DARS2: variants seen among roughly 807,000 people sequenced by gnomAD.
DARS2 encodes aspartate--tRNA ligase, mitochondrial.
A neutral mutation model predicts 83.0 loss-of-function variants in DARS2; 63 were observed. The ratio of observed to expected loss-of-function variants is 0.76; its 90% CI spans 0.62 to 0.94. The LOEUF (loss-of-function observed/expected upper bound fraction) is 0.94. Ranked by LOEUF, DARS2 falls within the 40% of genes least tolerant of loss-of-function variation. DARS2 has a pLI of 0.00. For missense variants in DARS2, 675 were observed against 774.4 expected, an observed-to-expected ratio of 0.87 and a Z score of 1.52; for synonymous variants, 250 against 269.3, an observed-to-expected ratio of 0.93 and a Z score of 0.70.
intron 12 of DARS2, among the ~76,000 whole-genome samples, chr1:173,847,250 G>A (rs1332130332): frequency 1.3e-5 from 2 of 152,018 alleles, no homozygotes; most frequent in Non-Finnish European, 2.9e-5. Context: ...TGGGGATGGC[G>A]GGGGGATGAA....
At position 173,850,664 on chromosome 1, in the gene DARS2, G is replaced by A. The variant is rs1371749892; in HGVS notation, c.1344+185G>A. Among the ~76,000 whole-genome samples, 5 of 150,288 alleles carry A rather than the reference G, an allele frequency of 3.3e-5. No homozygotes were observed. In the East Asian group the frequency reaches 9.9e-4, roughly 30 times the overall value. On this transcript the variant is annotated intron_variant, in intron 13 of 16. Coordinates refer to ENST00000649689, the MANE Select transcript of DARS2 (RefSeq NM_018122.5). ...TCTGTTGCCCAGGTTGGAGTGCAGT[G>A]GTGCAATCTTGGCTCACTGCAACCT... is the stretch of plus-strand genomic sequence containing the variant.
At chr1:173,834,732 G>GTTTTTTTTTTTTTTTTTTTTTTTT in intron 7 of DARS2, among the ~76,000 whole-genome samples, 1 of 21,680 alleles carries the variant, frequency 4.6e-5, no homozygotes, top group Non-Finnish European at 8.5e-5. Flanking sequence ...GAGTTTTTTT[G>GTTTTTTTTTTTTTTTTTTTTTTTT]TTTTTTTTTT....
At chr1:173,848,106 G>A (rs1653511910) in intron 12 of DARS2, among the ~76,000 whole-genome samples, 1 of 152,088 alleles carries the variant, frequency 6.6e-6, no homozygotes, top group Non-Finnish European at 1.5e-5. Flanking sequence ...GCCCACCTCG[G>A]CCTCCCAAAG....
chr1:173,857,173 GC>G (rs956526091), intron 16 of DARS2, among the ~76,000 whole-genome samples: 5 of 152,188 alleles, frequency 3.3e-5, no homozygotes, highest in African/African-American at 1.2e-4. Context: ...TAGATTGTAG[GC>G]CCCAACAACA....
chr1:173,828,443 C>A, intron 3 of DARS2, 44 bp downstream of exon 3: 3 of 1,539,478 alleles, frequency 1.9e-6, no homozygotes, highest in African/African-American at 1.4e-5. Flanking sequence ...TTCTTTGATG[C>A]TATTGCTGGG....
rs115051769 is a variant in DARS2 at position 173,831,529 on chromosome 1, T to G, written c.397-6T>G. The G allele has an allele frequency of 0.024, 38,547 of 1,609,568 alleles. 556 individuals are homozygous for G. Among genetic ancestry groups the G allele is most frequent in the Middle Eastern group, 0.046 (276 of 6,056 alleles). ...TTTTTAAAACCCTTCCTTCTCACTCTCCAAGAAAATGCCAACAGGTGAGAT... is the reference window on the plus strand; with the variant it reads ...TTTTTAAAACCCTTCCTTCTCACTCGCCAAGAAAATGCCAACAGGTGAGAT... On this transcript the variant is annotated splice_region_variant and splice_polypyrimidine_tract_variant and intron_variant, in intron 4 of 16. Coordinates refer to ENST00000649689, the MANE Select transcript of DARS2 (RefSeq NM_018122.5).
At chr1:173,853,240 A>C in intron 13 of DARS2, 109 bp from the exon 14 acceptor site, 1 of 1,054,520 alleles carries the variant, frequency 9.5e-7, no homozygotes, top group Non-Finnish European at 1.5e-6. Context: ...CTATCTGTTA[A>C]TTGGCTAATC....
chr1:173,857,176 C>T (rs1653885849), intron 16 of DARS2, among the ~76,000 whole-genome samples: 2 of 152,084 alleles, frequency 1.3e-5, no homozygotes, highest in South Asian at 4.1e-4. Context: ...ATTGTAGGCC[C>T]CAACAACAGG....
At chr1:173,855,658 GAATAC>G (rs141283680) in intron 15 of DARS2, among the ~76,000 whole-genome samples, 12,611 of 151,534 alleles carry the variant, frequency 0.083, 743 homozygotes, top group East Asian at 0.31. Flanking sequence ...GAGTCACTAA[GAATAC>G]ATTACTTTTT....
chr1:173,853,700 G>C (rs568486085), intron 14 of DARS2, 95 bp from the exon 15 acceptor site: 1 of 1,474,018 alleles, frequency 6.8e-7, no homozygotes, highest in African/African-American at 1.4e-5. Flanking sequence ...TGAGTTAGTA[G>C]TAATACATTG....
At chr1:173,832,938 A>T (rs999321450) in intron 5 of DARS2, among the ~76,000 whole-genome samples, 1 of 152,020 alleles carries the variant, frequency 6.6e-6, no homozygotes, top group Non-Finnish European at 1.5e-5. Context: ...GTCTTGCTAT[A>T]TTGCCCAGGC....
rs2102667064 is a variant in DARS2 at position 173,858,391 on chromosome 1, G to A, written c.*686G>A. 1 of 152,570 alleles carries A rather than the reference G, an allele frequency of 6.6e-6. No homozygotes were observed. The highest frequency in any genetic ancestry group is 2.1e-4 in the South Asian group (1 of 4,850). 9.5% of individuals were successfully genotyped at this position (152,570 alleles called of 1,614,324 possible). A position where few individuals can be genotyped will look rare whatever the true frequency, so the allele number is the denominator to read the frequency against. On this transcript the variant is annotated 3_prime_UTR_variant, in exon 17 of 17. Coordinates refer to ENST00000649689, the MANE Select transcript of DARS2 (RefSeq NM_018122.5). ...ATCAGAGGAGATAACATATATGGAA[G>A]ATAAAGTGAATAAAAGTACTTTGAA...
chr1:173,842,982 C>T (rs1381621710), intron 11 of DARS2, among the ~76,000 whole-genome samples: 1 of 150,938 alleles, frequency 6.6e-6, no homozygotes, highest in Non-Finnish European at 1.5e-5. Flanking sequence ...ATACTCTAGT[C>T]CAGACATAAG....
intron 5 of DARS2, 129 bp downstream of exon 5, chr1:173,831,759 G>A (rs1652805705): frequency 5.4e-6 from 4 of 743,434 alleles, no homozygotes; most frequent in South Asian, 4.7e-5. Context: ...GACACATCAT[G>A]AAGTGTTCTC....
At chr1:173,837,816 C>G (rs1024412019) in intron 8 of DARS2, among the ~76,000 whole-genome samples, 41 of 152,082 alleles carry the variant, frequency 2.7e-4, no homozygotes, top group African/African-American at 9.6e-4. Flanking sequence ...CTCTGTCACC[C>G]AAGCTGGAGT....
chr1:173,839,490 G>A lies in DARS2; in HGVS notation c.964G>A (p.Ala322Thr). ...TGTTCCTTTTCCTACTATGACTTTT[G>A]CTGAGGTGCTGGCCACCTATGGAAC... Reference protein sequence around the residue: ...VVVPFPTMTFAEVLATYGTDK... With the variant: ...VVVPFPTMTFTEVLATYGTDK... Residue 322 changes from alanine (A) to threonine (T), a missense_variant, in exon 10 of 17, where the codon GCT becomes ACT. Transcript: ENST00000649689. 2 of 1,614,090 alleles carry A rather than the reference G, an allele frequency of 1.2e-6. No homozygotes were observed. The highest frequency in any genetic ancestry group is 1.7e-6 in the Non-Finnish European group (2 of 1,180,022).
At chr1:173,842,938 TAAAAAAA>T (rs532765288) in intron 11 of DARS2, among the ~76,000 whole-genome samples, 2 of 120,234 alleles carry the variant, frequency 1.7e-5, no homozygotes, top group Non-Finnish European at 3.5e-5. Flanking sequence ...CACTCCATCT[TAAAAAAA>T]AAAAAAAAAA....
chr1:173,834,577 C>A, intron 7 of DARS2, 58 bp downstream of exon 7: 2 of 1,383,676 alleles, frequency 1.4e-6, no homozygotes, highest in Non-Finnish European at 2.1e-6. Flanking sequence ...TAAAGCTAGA[C>A]TACTTTGCTT....
intron 12 of DARS2, among the ~76,000 whole-genome samples, chr1:173,849,504 C>G (rs1254303850): frequency 7.1e-6 from 1 of 141,172 alleles, no homozygotes; most frequent in Non-Finnish European, 1.5e-5. Context: ...TGCACTCCAG[C>G]ATGGGTGACA....
Sources: gnomAD v4.1 joint callset for allele counts (sites outside exome capture counted in the v4.1 genomes callset) on GRCh38, gnomAD v4.1.1 for gene constraint, MANE v1.5 for transcripts, NCBI Gene and HGNC (gene_info 2026-07-23, HGNC 2026-07-21) for gene names.